PKHD1L1: variants seen among roughly 807,000 people sequenced by gnomAD.
PKHD1L1 encodes the protein fibrocystin-L.
PKHD1L1 carries 434 observed loss-of-function variants against 462.9 expected under a neutral mutation model. The observed-to-expected ratio is 0.94, with a 90% confidence interval of 0.87 to 1.02. PKHD1L1 has a LOEUF of 1.02. Ranked by LOEUF, PKHD1L1 falls within the 50% of genes least tolerant of loss-of-function variation. PKHD1L1 has a pLI of 0.00. For missense variants in PKHD1L1, 5,202 were observed against 5,096.1 expected, an observed-to-expected ratio of 1.02 and a Z score of -0.63; for synonymous variants, 1,781 against 1,750.0, an observed-to-expected ratio of 1.02 and a Z score of -0.44.
At chr8:109,496,248 ATAAT>A (rs1819078925) in intron 63 of PKHD1L1, among the ~76,000 whole-genome samples, 1 of 152,230 alleles carries the variant, frequency 6.6e-6, no homozygotes. Flanking sequence ...TAATTCACAA[ATAAT>A]TAATAATAAA....
chr8:109,460,668 C>A (rs950769875), intron 47 of PKHD1L1, among the ~76,000 whole-genome samples: 2 of 152,124 alleles, frequency 1.3e-5, no homozygotes, highest in African/African-American at 4.8e-5. Context: ...TCCCTGGGGG[C>A]AAAATTGGCC....
Position 109,527,279 on chromosome 8 carries a change from A to G in PKHD1L1, c.12721+259A>G, listed in dbSNP as rs111920585. On this transcript the variant is annotated intron_variant, in intron 77 of 77. Transcript: ENST00000378402. Reference sequence around the variant, plus strand: ...CATTTTGGGCGGCTGAGGCAGGTGGATCACCTGAGGTCAGGAGTTGGAGAC... The same window carrying G: ...CATTTTGGGCGGCTGAGGCAGGTGGGTCACCTGAGGTCAGGAGTTGGAGAC... 1.8e-3 allele frequency among the ~76,000 whole-genome samples: 273 copies of G among 152,304 alleles called. 2 individuals are homozygous for G. Among genetic ancestry groups the G allele is most frequent in the African/African-American group, 6.3e-3 (261 of 41,570 alleles).
intron 50 of PKHD1L1, among the ~76,000 whole-genome samples, chr8:109,471,332 A>G (rs966484770): frequency 1.3e-5 from 2 of 152,212 alleles, no homozygotes; most frequent in Non-Finnish European, 2.9e-5. Context: ...AATAAAGACT[A>G]GAGCAAAATA....
At chr8:109,433,668 CA>C (rs1348174141) in intron 28 of PKHD1L1, among the ~76,000 whole-genome samples, 2 of 152,148 alleles carry the variant, frequency 1.3e-5, no homozygotes, top group Non-Finnish European at 2.9e-5. Context: ...AAAGATCATT[CA>C]AATTTTTTTA....
rs1391635225 is a variant in PKHD1L1, at chr8:109,497,268, TTAAGG to T, written c.10599+1_10599+5del. 1.9e-6 allele frequency: 3 copies of T among 1,612,590 alleles called. No homozygotes were observed. In the Admixed American group the frequency reaches 5.0e-5, roughly 27 times the overall value. On this transcript the variant is annotated splice_donor_variant and coding_sequence_variant, in exon 65 of 78. Transcript: ENST00000378402. LOFTEE classifies it high-confidence loss of function. Reference sequence around the variant, plus strand: ...AAAATTTCCAGTAAAAATGTACAAATTAAGGTAAGAAATTAATACAGCCACACCAT... The same window carrying T: ...AAAATTTCCAGTAAAAATGTACAAATTAAGAAATTAATACAGCCACACCAT...
chr8:109,446,613 T>G (rs1359079016), intron 38 of PKHD1L1, among the ~76,000 whole-genome samples: 1 of 152,206 alleles, frequency 6.6e-6, no homozygotes, highest in Non-Finnish European at 1.5e-5. Flanking sequence ...ATATGTCAAA[T>G]TTGCTCATTT....
In PKHD1L1 at chr8:109,413,444, C is replaced by A; in HGVS notation, c.2259C>A (p.Phe753Leu). 6.4e-7 allele frequency: 1 copy of A among 1,560,494 alleles called. No homozygotes were observed. Among genetic ancestry groups the A allele is most frequent in the East Asian group, 2.3e-5 (1 of 43,760 alleles). The change falls in exon 21 of 78, where the codon TTC becomes TTA. Residue 753 changes from phenylalanine (F) to leucine (L), a missense_variant. Coordinates refer to ENST00000378402, the MANE Select transcript of PKHD1L1 (RefSeq NM_177531.6). ...YNQLCLAYKGFLANYIGLKFQ... is the reference protein window; with the variant it reads ...YNQLCLAYKGLLANYIGLKFQ... ...AGTTATGTTTAGCATACAAAGGATT[C>A]CTGGCAAATTATATTGGTCTAAAAT... is the stretch of plus-strand genomic sequence containing the variant.
rs764989692 is a variant in PKHD1L1, at chr8:109,443,704, C to CAAATTCCT, written c.4593_4594insAAATTCCT (p.Ser1532LysfsTer9). ...GACCTGAGAATTTGCACTTGGGAAG[C>CAAATTCCT]TCTGTGGCAGGCTGCCTAGCAACAG... is the stretch of plus-strand genomic sequence containing the variant. On this transcript the variant is annotated frameshift_variant, in exon 37 of 78. Coordinates refer to ENST00000378402, the MANE Select transcript of PKHD1L1 (RefSeq NM_177531.6). LOFTEE classifies it high-confidence loss of function. 2.5e-5 allele frequency: 40 copies of CAAATTCCT among 1,613,200 alleles called. No homozygotes were observed. The highest frequency in any genetic ancestry group is 2.4e-4 in the South Asian group (22 of 90,996).
At chr8:109,522,654 G>A in intron 74 of PKHD1L1, 90 bp from the exon 75 acceptor site, 1 of 1,241,368 alleles carries the variant, frequency 8.1e-7, no homozygotes, top group Non-Finnish European at 1.1e-6. Flanking sequence ...AATAAATAAT[G>A]AATATTTTAT....
intron 50 of PKHD1L1, among the ~76,000 whole-genome samples, chr8:109,467,846 C>T (rs899385045): frequency 2.0e-5 from 3 of 148,428 alleles, no homozygotes; most frequent in African/African-American, 7.3e-5. Context: ...GATGCAGCTT[C>T]TTGACAGCAA....
At chr8:109,468,862 T>A (rs1288250582) in intron 50 of PKHD1L1, among the ~76,000 whole-genome samples, 1 of 152,232 alleles carries the variant, frequency 6.6e-6, no homozygotes, top group Admixed American at 6.5e-5. Context: ...GCTTTTGGTC[T>A]GTGAATTGGC....
At chr8:109,373,870 G>GT (rs1811655260) in intron 2 of PKHD1L1, among the ~76,000 whole-genome samples, 1 of 152,052 alleles carries the variant, frequency 6.6e-6, no homozygotes, top group Admixed American at 6.6e-5. Flanking sequence ...GTCTGAGACA[G>GT]TTTTTTATAA....
At position 109,419,359 on chromosome 8, in the gene PKHD1L1, A is replaced by G. The variant is rs545875667; in HGVS notation, c.2524+99A>G. The G allele has an allele frequency of 1.9e-5, 17 of 881,506 alleles. No individual in the cohort carries two copies. In the East Asian group the frequency reaches 3.8e-4, roughly 20 times the overall value. 54.6% of individuals were successfully genotyped at this position (881,506 alleles called of 1,614,324 possible). On this transcript the variant is annotated intron_variant, in intron 22 of 77. Coordinates refer to ENST00000378402, the MANE Select transcript of PKHD1L1 (RefSeq NM_177531.6). ...CTGCAGTATGGATAGAAACATTAAT[A>G]TCTAAATATTAATGAGTCACTCTTT...
rs1267801174 is a variant in PKHD1L1, at chr8:109,448,515, TG to T, written c.6025+126del. 2.0e-5 allele frequency: 24 copies of T among 1,194,272 alleles called. 1 individual carries two copies. Among genetic ancestry groups the T allele is most frequent in the East Asian group, 2.7e-5 (1 of 37,330 alleles). 74.0% of individuals were successfully genotyped at this position (1,194,272 alleles called of 1,614,324 possible). A position where few individuals can be genotyped will look rare whatever the true frequency, so the allele number is the denominator to read the frequency against. On this transcript the variant is annotated intron_variant, in intron 39 of 77. Transcript: ENST00000378402. ...ATTTCTAGTGTTTTTTTTGTTTGTTTGGTTTTTTTTTTTTGAGACAGAGTCT... is the reference window on the plus strand; with the variant it reads ...ATTTCTAGTGTTTTTTTTGTTTGTTTGTTTTTTTTTTTTGAGACAGAGTCT...
chr8:109,392,520 C>A (rs917149747), intron 9 of PKHD1L1, among the ~76,000 whole-genome samples: 1 of 151,780 alleles, frequency 6.6e-6, no homozygotes, highest in African/African-American at 2.4e-5. Flanking sequence ...TTAAAGCCAA[C>A]AGCTATCCCT....
rs987784443 is a variant in PKHD1L1, at chr8:109,436,245, C to T, written c.3506-93C>T. The T allele has an allele frequency of 6.4e-5, 86 of 1,337,462 alleles. No homozygotes were observed. In the East Asian group the frequency reaches 1.1e-3, roughly 17 times the overall value. The allele number at this position is 1,337,462 out of a possible 1,614,324, so 82.8% of individuals were successfully genotyped here. A position where few individuals can be genotyped will look rare whatever the true frequency, so the allele number is the denominator to read the frequency against. On this transcript the variant is annotated intron_variant, in intron 29 of 77. Coordinates refer to ENST00000378402, the MANE Select transcript of PKHD1L1 (RefSeq NM_177531.6). ...ACATCTCTTGGATCATTAGACTATT[C>T]TCAAAAGACAATTCTCAAAAAATGT... is the stretch of plus-strand genomic sequence containing the variant.
At chr8:109,480,412 G>A (rs1180411196) in intron 55 of PKHD1L1, 1 of 422,188 alleles carries the variant, frequency 2.4e-6, no homozygotes, top group African/African-American at 2.0e-5. Flanking sequence ...TCATTATGAG[G>A]TCAGGCTAAA....
intron 23 of PKHD1L1, among the ~76,000 whole-genome samples, chr8:109,424,489 A>G (rs1056027623): frequency 6.6e-6 from 1 of 152,184 alleles, no homozygotes; most frequent in Non-Finnish European, 1.5e-5. Context: ...GTAGTAACAG[A>G]TAACTATAAG....
intron 18 of PKHD1L1, among the ~76,000 whole-genome samples, chr8:109,409,262 T>C (rs1258100703): frequency 6.6e-6 from 1 of 152,128 alleles, no homozygotes; most frequent in African/African-American, 2.4e-5. Context: ...AACCTTTTTT[T>C]TTTTCAAGAC....
Sources: allele counts gnomAD v4.1 joint callset (sites outside exome capture counted in the v4.1 genomes callset), GRCh38; gene constraint gnomAD v4.1.1; transcripts MANE v1.5; gene names NCBI Gene and HGNC (gene_info 2026-07-23, HGNC 2026-07-21).